The following DOCK2 variants were observed in gnomAD, a reference collection of about 807,000 sequenced individuals.
DOCK2 encodes dedicator of cytokinesis protein 2.
In DOCK2, 87 loss-of-function variants were observed where a neutral mutation model predicts 248.9. That is an observed-to-expected ratio of 0.35 (90% CI 0.29 to 0.42). DOCK2 has a LOEUF of 0.42. Ranked by LOEUF, DOCK2 falls within the 10% of genes least tolerant of loss-of-function variation. The probability of loss-of-function intolerance (pLI) is 1.00; values close to 1 mark genes in which losing one functional copy is unlikely to be tolerated. For missense variants in DOCK2, 1,747 were observed against 2,300.2 expected, an observed-to-expected ratio of 0.76 and a Z score of 4.92; for synonymous variants, 805 against 821.6, an observed-to-expected ratio of 0.98 and a Z score of 0.35.
At chr5:169,909,771 A>G (rs1356843098) in intron 27 of DOCK2, among the ~76,000 whole-genome samples, 1 of 152,196 alleles carries the variant, frequency 6.6e-6, no homozygotes, top group African/African-American at 2.4e-5. Context: ...ACAATCCAAG[A>G]TGATCACTTA....
At chr5:169,929,126 C>T (rs1775619258) in intron 27 of DOCK2, among the ~76,000 whole-genome samples, 1 of 152,172 alleles carries the variant, frequency 6.6e-6, no homozygotes. Flanking sequence ...AACCAGAGTG[C>T]CTATGCAGGA....
At chr5:169,783,738 G>A (rs1765835344) in intron 25 of DOCK2, among the ~76,000 whole-genome samples, 1 of 152,122 alleles carries the variant, frequency 6.6e-6, no homozygotes, top group Admixed American at 6.5e-5. Flanking sequence ...TACGATACTA[G>A]TTACTTTTAA....
chr5:169,995,935 T>G (rs1011551908), intron 29 of DOCK2, 151 bp from the exon 30 acceptor site: 1 of 685,064 alleles, frequency 1.5e-6, no homozygotes, highest in African/African-American at 1.8e-5. Context: ...TGTGAATAGT[T>G]GTTAATCTGC....
At chr5:169,786,744 T>A (rs1766011473) in intron 25 of DOCK2, among the ~76,000 whole-genome samples, 1 of 152,182 alleles carries the variant, frequency 6.6e-6, no homozygotes, top group Admixed American at 6.5e-5. Context: ...AGACTTACTG[T>A]CTGTTTTAAA....
At chr5:169,639,408 G>A (rs1351812487) in intron 1 of DOCK2, among the ~76,000 whole-genome samples, 1 of 152,190 alleles carries the variant, frequency 6.6e-6, no homozygotes, top group Non-Finnish European at 1.5e-5. Flanking sequence ...GTGACAAAGG[G>A]TGACAGAAAA....
chr5:169,925,432 T>A (rs1775387418), intron 27 of DOCK2, among the ~76,000 whole-genome samples: 1 of 151,958 alleles, frequency 6.6e-6, no homozygotes, highest in Non-Finnish European at 1.5e-5. Context: ...TTACAAAAAT[T>A]AACTGAGCGT....
chr5:170,055,514 C>T (rs903555922), intron 42 of DOCK2, 128 bp downstream of exon 42: 1 of 810,894 alleles, frequency 1.2e-6, no homozygotes, highest in Middle Eastern at 3.1e-4. Context: ...AGTTTTTCCC[C>T]CCTTTTCCTC....
intron 23 of DOCK2, among the ~76,000 whole-genome samples, chr5:169,755,553 G>T (rs1252314822): frequency 1.3e-5 from 2 of 152,028 alleles, no homozygotes; most frequent in Non-Finnish European, 1.5e-5. Flanking sequence ...ACCCAGACTG[G>T]CCAACATAGT....
intron 27 of DOCK2, among the ~76,000 whole-genome samples, chr5:169,974,839 C>T (rs995650884): frequency 6.6e-6 from 1 of 150,544 alleles, no homozygotes; most frequent in African/African-American, 2.5e-5. Context: ...GACCCCCCTC[C>T]CCCCGACACA....
intron 26 of DOCK2, among the ~76,000 whole-genome samples, chr5:169,830,484 A>AT (rs1488787831): frequency 2.0e-5 from 3 of 152,074 alleles, no homozygotes; most frequent in East Asian, 1.9e-4. Flanking sequence ...TTTTTTATCT[A>AT]TTTTTTTGCA....
chr5:169,887,799 A>G (rs1008749541), intron 27 of DOCK2, among the ~76,000 whole-genome samples: 1 of 152,222 alleles, frequency 6.6e-6, no homozygotes, highest in Non-Finnish European at 1.5e-5. Flanking sequence ...TGATACTACC[A>G]TGTTACCACT....
intron 8 of DOCK2, among the ~76,000 whole-genome samples, chr5:169,685,086 C>A (rs1759887763): frequency 6.6e-6 from 1 of 152,194 alleles, no homozygotes; most frequent in South Asian, 2.1e-4. Flanking sequence ...TAACATGGGG[C>A]AGGTTGTTAA....
At chr5:169,646,099 T>G (rs1421274795) in intron 1 of DOCK2, among the ~76,000 whole-genome samples, 2 of 152,234 alleles carry the variant, frequency 1.3e-5, no homozygotes, top group Non-Finnish European at 2.9e-5. Context: ...TTGTAATCCA[T>G]CTTGAGTTAA....
intron 30 of DOCK2, among the ~76,000 whole-genome samples, chr5:170,004,009 G>A (rs1754930480): frequency 6.6e-6 from 1 of 152,164 alleles, no homozygotes; most frequent in East Asian, 1.9e-4. Context: ...ACAGCCTCAT[G>A]GCTCATAAAG....
intron 12 of DOCK2, among the ~76,000 whole-genome samples, chr5:169,699,659 G>A (rs998051985): frequency 2.6e-5 from 4 of 152,222 alleles, no homozygotes; most frequent in Non-Finnish European, 5.9e-5. Context: ...GTGCCCAAAA[G>A]CAGAGAGGAA....
intron 27 of DOCK2, among the ~76,000 whole-genome samples, chr5:169,976,467 A>T (rs866450486): frequency 1.3e-5 from 2 of 152,208 alleles, no homozygotes; most frequent in South Asian, 2.1e-4. Flanking sequence ...CGCTATTGAG[A>T]TGATGAATGT....
intron 27 of DOCK2, chr5:169,881,510 T>C: frequency 8.1e-7 from 1 of 1,241,080 alleles, no homozygotes; most frequent in Non-Finnish European, 1.2e-6. Flanking sequence ...ACATTCAACC[T>C]ACTTGTCCCT....
At position 170,077,788 on chromosome 5, in the gene DOCK2, G is replaced by A; in HGVS notation, c.4945G>A (p.Ala1649Thr). 1 of 1,613,722 alleles carries A rather than the reference G, an allele frequency of 6.2e-7. No individual in the cohort carries two copies. The highest frequency in any genetic ancestry group is 8.5e-7 in the Non-Finnish European group (1 of 1,179,958). ...SYRQMSIISL[A>T]SMNSDCSTPS... ...CAGACAGATGTCCATCATCTCTCTG[G>A]CTTCCATGAATTCTGACTGCAGCAC... Residue 1649 changes from alanine (A) to threonine (T), a missense_variant, in exon 48 of 52, where the codon GCT becomes ACT. By Grantham distance (58) the Ala-to-Thr change is moderately conservative. Transcript: ENST00000520908.
At chr5:169,978,400 G>T (rs889213787) in intron 27 of DOCK2, among the ~76,000 whole-genome samples, 2 of 139,772 alleles carry the variant, frequency 1.4e-5, no homozygotes, top group African/African-American at 2.7e-5. Context: ...TGTGGGGGGG[G>T]GGGGGTGTAG....
Sources: allele counts gnomAD v4.1 joint callset (sites outside exome capture counted in the v4.1 genomes callset), GRCh38; gene constraint gnomAD v4.1.1; transcripts MANE v1.5; gene names NCBI Gene and HGNC (gene_info 2026-07-23, HGNC 2026-07-21).